The following VPS45 variants were observed in gnomAD, a reference collection of about 807,000 sequenced individuals.
VPS45 encodes the protein vacuolar protein sorting-associated protein 45.
A neutral mutation model predicts 75.9 loss-of-function variants in VPS45; 35 were observed. That is an observed-to-expected ratio of 0.46 (90% CI 0.35 to 0.61). VPS45 has a LOEUF of 0.61. VPS45 is among the 20% of genes least tolerant of loss of function. VPS45 has a pLI of 0.00. For missense variants in VPS45, 559 were observed against 685.9 expected (o/e 0.81, Z 2.07); for synonymous variants, 220 against 238.2 (o/e 0.92, Z 0.70).
chr1:150,106,080 T>A (rs1266183935), intron 13 of VPS45, among the ~76,000 whole-genome samples: 1 of 152,112 alleles, frequency 6.6e-6, no homozygotes, highest in Non-Finnish European at 1.5e-5. Flanking sequence ...TGGACCCCTA[T>A]CTCTTAACCA....
chr1:150,068,630 A>G lies in VPS45; in HGVS notation c.94A>G (p.Thr32Ala). 6.5e-7 allele frequency: 1 copy of G among 1,530,982 alleles called. No individual in the cohort carries two copies. Among genetic ancestry groups the G allele is most frequent in the Non-Finnish European group, 8.8e-7 (1 of 1,135,772 alleles). The allele number at this position is 1,530,982 out of a possible 1,614,324, so 94.8% of individuals were successfully genotyped here. A position where few individuals can be genotyped will look rare whatever the true frequency, so the allele number is the denominator to read the frequency against. ...MKVLLMDKET[T>A]GIVSMVYTQS... ...TTTAGTTAATCTTTTGTTTTTACAG[A>G]CTGGCATAGTGAGTATGGTATACAC... Residue 32 changes from threonine (T) to alanine (A), a missense_variant and splice_region_variant, in exon 2 of 15, where the codon ACT becomes GCT. Transcript: ENST00000644510.
intron 14 of VPS45, among the ~76,000 whole-genome samples, chr1:150,135,831 GT>G (rs1553813526): frequency 6.6e-6 from 1 of 150,526 alleles, no homozygotes; most frequent in African/African-American, 2.4e-5. Context: ...TAGAAATGGG[GT>G]TTCATCATGT....
At chr1:150,101,053 T>G (rs899701716) in intron 13 of VPS45, among the ~76,000 whole-genome samples, 1 of 151,966 alleles carries the variant, frequency 6.6e-6, no homozygotes, top group East Asian at 1.9e-4. Flanking sequence ...GTGGATCACC[T>G]AAGGTCAGGA....
chr1:150,102,253 A>AC (rs1204734375), intron 13 of VPS45, among the ~76,000 whole-genome samples: 9 of 141,834 alleles, frequency 6.3e-5, no homozygotes, highest in Admixed American at 1.4e-4. Context: ...AAAAAAAAAA[A>AC]ACAAACACAT....
At chr1:150,123,215 CTGAG>C (rs1658330844) in intron 14 of VPS45, among the ~76,000 whole-genome samples, 1 of 152,122 alleles carries the variant, frequency 6.6e-6, no homozygotes, top group African/African-American at 2.4e-5. Context: ...CTTTTTATGA[CTGAG>C]TAATATTTCA....
chr1:150,140,001 C>G (rs587597330), intron 14 of VPS45, among the ~76,000 whole-genome samples: 2 of 152,290 alleles, frequency 1.3e-5, no homozygotes, highest in Admixed American at 6.5e-5. Context: ...TCAAACGATT[C>G]TTGTGCCTCA....
intron 2 of VPS45, among the ~76,000 whole-genome samples, chr1:150,070,048 A>T (rs1654962836): frequency 6.6e-6 from 1 of 152,112 alleles, no homozygotes; most frequent in Non-Finnish European, 1.5e-5. Flanking sequence ...TTGTCCCGTC[A>T]TGCCACGGGA....
intron 14 of VPS45, among the ~76,000 whole-genome samples, chr1:150,122,580 T>G (rs1383817285): frequency 8.6e-5 from 13 of 151,706 alleles, no homozygotes; most frequent in Admixed American, 6.6e-4. Context: ...TGGGTTGGGG[T>G]TTTTTTTAAT....
Position 150,110,574 on chromosome 1 carries a change from C to T in VPS45, c.1572C>T (p.Thr524=), listed in dbSNP as rs782816408. 1 of 1,613,862 alleles carries T rather than the reference C, an allele frequency of 6.2e-7. No individual in the cohort carries two copies. Among genetic ancestry groups the T allele is most frequent in the Admixed American group, 1.7e-5 (1 of 59,984 alleles). ...EALTVYNLNR[T]TPGVRIVLGG... is the part of the protein sequence containing the mutation. ...TAACAGTTTATAACCTGAACCGCAC[C>T]ACTCCTGGAGTGAGGATTGTCCTGG... The change falls in exon 14 of 15, where the codon ACC becomes ACT. Residue 524 remains threonine (T), a synonymous_variant. Transcript: ENST00000644510.
intron 13 of VPS45, among the ~76,000 whole-genome samples, chr1:150,098,036 A>G (rs1281037657): frequency 2.0e-5 from 3 of 152,080 alleles, no homozygotes; most frequent in Non-Finnish European, 4.4e-5. Flanking sequence ...TTTTATAGAG[A>G]CAAGGTTTTG....
chr1:150,134,332 G>C (rs1553813086), intron 14 of VPS45, among the ~76,000 whole-genome samples: 1 of 152,122 alleles, frequency 6.6e-6, no homozygotes, highest in African/African-American at 2.4e-5. Context: ...CTAGGGTAAA[G>C]AAACCCACTT....
At chr1:150,129,533 AT>A (rs587731015) in intron 14 of VPS45, among the ~76,000 whole-genome samples, 18 of 152,180 alleles carry the variant, frequency 1.2e-4, no homozygotes, top group African/African-American at 4.3e-4. Context: ...TTTGCTATGA[AT>A]GTATACACAT....
rs1655393535 is a variant in VPS45, at chr1:150,076,506, G to A, written c.369+194G>A. 6 of 484,558 alleles carry A rather than the reference G, an allele frequency of 1.2e-5. No homozygotes were observed. The South Asian group carries it at 1.3e-4, about 11-fold the overall frequency. 30.0% of individuals were successfully genotyped at this position (484,558 alleles called of 1,614,324 possible). ...CTAGTTTTGAATTTTTCAGAAGGAT[G>A]TGATAGGTGATAAATGAATAAAAAG... On this transcript the variant is annotated intron_variant, in intron 4 of 14. Coordinates refer to ENST00000644510, the MANE Select transcript of VPS45 (RefSeq NM_007259.5).
intron 9 of VPS45, 94 bp downstream of exon 9, chr1:150,082,091 C>A: frequency 1.3e-6 from 1 of 741,122 alleles, no homozygotes. Context: ...CTAATTTCTA[C>A]CTTGATTGAT....
At chr1:150,080,019 G>C (rs1424265236) in intron 7 of VPS45, among the ~76,000 whole-genome samples, 2 of 152,088 alleles carry the variant, frequency 1.3e-5, no homozygotes, top group Non-Finnish European at 2.9e-5. Context: ...AAGGTTAAAA[G>C]TTACAATTTC....
intron 14 of VPS45, among the ~76,000 whole-genome samples, chr1:150,137,323 A>G (rs1659162106): frequency 6.6e-6 from 1 of 152,204 alleles, no homozygotes; most frequent in South Asian, 2.1e-4. Flanking sequence ...AAAAATCTGT[A>G]TCTGAATCAT....
At chr1:150,140,401 G>GTGTGTGTA (rs1659334881) in intron 14 of VPS45, among the ~76,000 whole-genome samples, 3 of 147,272 alleles carry the variant, frequency 2.0e-5, no homozygotes, top group Admixed American at 6.6e-5. Context: ...GTGTGTGTGT[G>GTGTGTGTA]TGTGTGTGTG....
chr1:150,084,448 A>G (rs1365165049), intron 10 of VPS45, among the ~76,000 whole-genome samples: 3 of 152,136 alleles, frequency 2.0e-5, no homozygotes, highest in African/African-American at 7.2e-5. Context: ...TTTCAAAGGG[A>G]GAAGAATTAG....
intron 14 of VPS45, among the ~76,000 whole-genome samples, chr1:150,123,749 G>A (rs896834510): frequency 3.9e-5 from 6 of 152,164 alleles, no homozygotes; most frequent in African/African-American, 1.4e-4. Context: ...TATCGTAATA[G>A]GCAAAAATAC....
Sources: gnomAD v4.1 joint callset for allele counts (sites outside exome capture counted in the v4.1 genomes callset) on GRCh38, gnomAD v4.1.1 for gene constraint, MANE v1.5 for transcripts, NCBI Gene and HGNC (gene_info 2026-07-23, HGNC 2026-07-21) for gene names.